The following NBR1 variants were observed in gnomAD, a reference collection of about 807,000 sequenced individuals.
The protein encoded by NBR1 is NBR1 autophagy cargo receptor, also known as next to BRCA1 gene 1 protein.
In NBR1, 59 loss-of-function variants were observed where a neutral mutation model predicts 115.5. The ratio of observed to expected loss-of-function variants is 0.51; its 90% confidence interval spans 0.41 to 0.63. NBR1 has a LOEUF of 0.63. Among genes scored for constraint, NBR1 ranks in the 30% least tolerant of loss-of-function variants. The pLI, the probability that NBR1 is intolerant of heterozygous loss-of-function variation, is 0.00. For missense variants in NBR1, 1,043 were observed against 1,150.5 expected (o/e 0.91, Z 1.35); for synonymous variants, 373 against 414.7 (o/e 0.90, Z 1.22).
At chr17:43,183,454 C>T (rs1206800736) in intron 5 of NBR1, among the ~76,000 whole-genome samples, 1 of 147,974 alleles carries the variant, frequency 6.8e-6, no homozygotes, top group African/African-American at 2.6e-5. Flanking sequence ...CTCTTGACCT[C>T]ATGATCCACC....
At chr17:43,177,495 T>C (rs1159008063) in intron 2 of NBR1, among the ~76,000 whole-genome samples, 1 of 151,406 alleles carries the variant, frequency 6.6e-6, no homozygotes, top group Non-Finnish European at 1.5e-5. Context: ...TACATGACAG[T>C]GTCCTGAAGT....
chr17:43,179,324 G>C (rs1186851840), intron 3 of NBR1, 70 bp from the exon 4 acceptor site: 15 of 1,426,856 alleles, frequency 1.1e-5, no homozygotes, highest in African/African-American at 2.8e-5. Context: ...CTATGGGGCT[G>C]GTCCTAGTAA....
chr17:43,173,972 CCATT>C (rs2056443275), intron 1 of NBR1, among the ~76,000 whole-genome samples: 1 of 151,996 alleles, frequency 6.6e-6, no homozygotes, highest in Non-Finnish European at 1.5e-5. Context: ...TTAAACGTAA[CCATT>C]CATCAGTAAA....
chr17:43,191,460 G>T lies in NBR1; in HGVS notation c.952G>T (p.Glu318Ter). The T allele has an allele frequency of 6.2e-7, 1 of 1,613,138 alleles. No individual in the cohort carries two copies. Among genetic ancestry groups the T allele is most frequent in the Non-Finnish European group, 8.5e-7 (1 of 1,179,490 alleles). ...GAAACAACGTAAAGCAGAGGTCAAG[G>T]AACTTAAAAAGCAGCTTAAACTCCA... ...EKKQRKAEVK[E>*]LKKQLKLHRK... The change falls in exon 10 of 21, where the codon GAA becomes TAA. Residue 318 changes from glutamate to a stop codon, truncating the protein, a stop_gained. Coordinates refer to ENST00000590996, the MANE Select transcript of NBR1 (RefSeq NM_005899.5). LOFTEE classifies it high-confidence loss of function.
At chr17:43,200,789 A>C (rs1182296564) in intron 17 of NBR1, among the ~76,000 whole-genome samples, 181 bp downstream of exon 17, 13 of 152,120 alleles carry the variant, frequency 8.5e-5, no homozygotes, top group Admixed American at 8.5e-4. Flanking sequence ...GGATTTAAAG[A>C]AATATTTGTT....
At chr17:43,202,769 T>G (rs892323057) in intron 19 of NBR1, 57 bp downstream of exon 19, 2 of 1,402,234 alleles carry the variant, frequency 1.4e-6, no homozygotes, top group Non-Finnish European at 2.0e-6. Flanking sequence ...TTGTATTCCT[T>G]CTGCTTAAAA....
At chr17:43,175,637 G>GAA (rs879530925) in intron 1 of NBR1, among the ~76,000 whole-genome samples, 154 bp from the exon 2 acceptor site, 11 of 137,070 alleles carry the variant, frequency 8.0e-5, no homozygotes, top group Non-Finnish European at 3.1e-5. Flanking sequence ...AGTTTCGTAA[G>GAA]AACAGGGACA....
At position 43,201,271 on chromosome 17, in the gene NBR1, G is replaced by A. The variant is rs2057191750; in HGVS notation, c.2469-415G>A. On this transcript the variant is annotated intron_variant, in intron 17 of 20. Transcript: ENST00000590996. ...ACTCAACCCAAACAGTCATAATTAG[G>A]AAGTTAAATCCATTATGGGAAAAAA... Among the ~76,000 whole-genome samples, 4 of 152,126 alleles carry A rather than the reference G, an allele frequency of 2.6e-5. No individual in the cohort carries two copies. The South Asian group carries it at 8.3e-4, about 31-fold the overall frequency.
At chr17:43,183,073 T>A (rs1216844402) in intron 5 of NBR1, among the ~76,000 whole-genome samples, 2 of 151,314 alleles carry the variant, frequency 1.3e-5, no homozygotes, top group Admixed American at 6.6e-5. Flanking sequence ...GTCTTTTTTT[T>A]TTTGAGACAG....
Position 43,194,429 on chromosome 17 carries a change from C to T in NBR1, c.1604C>T (p.Pro535Leu), listed in dbSNP as rs761030616. 35 of 1,613,746 alleles carry T rather than the reference C, an allele frequency of 2.2e-5. No homozygotes were observed. The highest frequency in any genetic ancestry group is 2.7e-5 in the Non-Finnish European group (32 of 1,179,820). Residue 535 changes from proline (P) to leucine (L), a missense_variant, in exon 13 of 21, where the codon CCA becomes CTA. Physicochemically the swap from Pro to Leu is moderately conservative, Grantham distance 98 (BLOSUM62 -3). Coordinates refer to ENST00000590996, the MANE Select transcript of NBR1 (RefSeq NM_005899.5). Reference sequence around the variant, plus strand: ...ACAGAAGGGACAGCAGCCTGCATCCCACAGAAGGCAAAAAATGTTGCCAGT... The same window carrying T: ...ACAGAAGGGACAGCAGCCTGCATCCTACAGAAGGCAAAAAATGTTGCCAGT... Reference protein sequence around the residue: ...EQTEGTAACIPQKAKNVASER... With the variant: ...EQTEGTAACILQKAKNVASER...
At chr17:43,205,070 T>C (rs539984042) in intron 20 of NBR1, among the ~76,000 whole-genome samples, 1 of 152,146 alleles carries the variant, frequency 6.6e-6, no homozygotes, top group East Asian at 1.9e-4. Context: ...TAAGATACTA[T>C]GCTGGCCGGG....
chr17:43,180,917 G>C (rs765595971), intron 5 of NBR1, 100 bp downstream of exon 5: 38 of 1,145,424 alleles, frequency 3.3e-5, no homozygotes, highest in Middle Eastern at 3.4e-4. Context: ...TGTCATCCAG[G>C]CTGGTGTGCA....
intron 6 of NBR1, among the ~76,000 whole-genome samples, chr17:43,188,720 C>T (rs1037402371): frequency 6.6e-6 from 1 of 152,178 alleles, no homozygotes; most frequent in Admixed American, 6.6e-5. Context: ...ATAGGGAATC[C>T]TTTCCCCATT....
In NBR1 at chr17:43,193,214, G is replaced by A. The variant is rs776865499; in HGVS notation, c.1194G>A (p.Met398Ile). 1.2e-5 allele frequency: 20 copies of A among 1,613,828 alleles called. No homozygotes were observed. In the East Asian group the frequency reaches 4.2e-4, roughly 34 times the overall value. ...PGTKFIKHWRMKNTGNVKWSA... is the reference protein window; with the variant it reads ...PGTKFIKHWRIKNTGNVKWSA... The stretch of plus-strand genomic sequence containing the variant: ...CCAAGTTTATCAAACACTGGAGGAT[G>A]AAAAATACAGGAAATGTAAAGTGGA... Residue 398 changes from methionine (M) to isoleucine (I), a missense_variant, in exon 11 of 21, where the codon ATG becomes ATA. By Grantham distance (10) the Met-to-Ile change is conservative (BLOSUM62 1). Transcript: ENST00000590996.
chr17:43,199,277 G>A (rs560938200), intron 16 of NBR1, among the ~76,000 whole-genome samples: 2 of 151,290 alleles, frequency 1.3e-5, no homozygotes, highest in South Asian at 4.2e-4. Flanking sequence ...ATTTCGCCAC[G>A]TTGCCCAGGC....
intron 17 of NBR1, 94 bp downstream of exon 17, chr17:43,200,702 T>C: frequency 9.0e-7 from 1 of 1,108,818 alleles, no homozygotes; most frequent in South Asian, 1.7e-5. Context: ...TTCCTCAGTA[T>C]GGAAAGAGAC....
intron 6 of NBR1, among the ~76,000 whole-genome samples, chr17:43,188,353 G>T (rs979108890): frequency 6.6e-6 from 1 of 152,116 alleles, no homozygotes. Context: ...ATAGATTCTG[G>T]ATATTAGCCC....
chr17:43,176,302 C>T (rs1196962989), intron 2 of NBR1: 1 of 156,546 alleles, frequency 6.4e-6, no homozygotes, highest in Non-Finnish European at 1.4e-5. Context: ...AAGAGCCTAT[C>T]AATTGTTTTT....
intron 1 of NBR1, among the ~76,000 whole-genome samples, chr17:43,174,227 A>C (rs1448723700): frequency 5.3e-5 from 8 of 152,168 alleles, no homozygotes. Flanking sequence ...TTATGAAAGA[A>C]GCTAGCTTAT....
Sources: allele counts gnomAD v4.1 joint callset (sites outside exome capture counted in the v4.1 genomes callset), GRCh38; gene constraint gnomAD v4.1.1; transcripts MANE v1.5; gene names NCBI Gene and HGNC (gene_info 2026-07-23, HGNC 2026-07-21).